Variants in FBN1 observed in about 807,000 individuals in gnomAD.
FBN1 encodes fibrillin-1.
In FBN1, 29 loss-of-function variants were observed where a neutral mutation model predicts 365.1. The ratio of observed to expected loss-of-function variants is 0.08; its 90% CI spans 0.06 to 0.11. The LOEUF (loss-of-function observed/expected upper bound fraction) is 0.11, where lower values mean the gene tolerates loss of function less well. Ranked by LOEUF, FBN1 falls within the 10% of genes least tolerant of loss-of-function variation. The probability of loss-of-function intolerance (pLI) is 1.00; values close to 1 mark genes in which losing one functional copy is unlikely to be tolerated. For missense variants in FBN1, 2,476 were observed against 3,703.2 expected (o/e 0.67, Z 8.60); for synonymous variants, 1,210 against 1,270.5 (o/e 0.95, Z 1.01).
intron 37 of FBN1, 146 bp from the exon 38 acceptor site, chr15:48,468,248 G>A (rs143179044): frequency 4.5e-6 from 6 of 1,341,702 alleles, no homozygotes; most frequent in African/African-American, 2.9e-5. Context: ...ATACACTACC[G>A]AGAATTTTCC....
intron 50 of FBN1, among the ~76,000 whole-genome samples, chr15:48,441,305 T>TG (rs1304370025): frequency 6.6e-6 from 1 of 152,182 alleles, no homozygotes; most frequent in African/African-American, 2.4e-5. Flanking sequence ...TACCATATTG[T>TG]GGGGGCAAAT....
chr15:48,600,949 A>T (rs956964414), intron 4 of FBN1, among the ~76,000 whole-genome samples: 1 of 152,364 alleles, frequency 6.6e-6, no homozygotes, highest in South Asian at 2.1e-4. Context: ...CAAATTCCAA[A>T]GAATTTTGTT....
chr15:48,521,384 C>A (rs2043853635), intron 9 of FBN1, among the ~76,000 whole-genome samples: 1 of 152,082 alleles, frequency 6.6e-6, no homozygotes, highest in African/African-American at 2.4e-5. Flanking sequence ...GCTTATTAAT[C>A]AAGATTTCCT....
At chr15:48,515,662 C>A in intron 11 of FBN1, 135 bp from the exon 12 acceptor site, 1 of 1,158,544 alleles carries the variant, frequency 8.6e-7, no homozygotes, top group Non-Finnish European at 1.3e-6. Context: ...CGTCTGGTGA[C>A]AACAGAGCAT....
intron 2 of FBN1, chr15:48,643,444 G>A (rs901909105): frequency 6.6e-6 from 1 of 152,138 alleles, no homozygotes; most frequent in African/African-American, 2.4e-5. Flanking sequence ...CTCCAGACTA[G>A]GAGTCAAAAA....
At chr15:48,572,420 T>C (rs1219563996) in intron 6 of FBN1, among the ~76,000 whole-genome samples, 1 of 151,936 alleles carries the variant, frequency 6.6e-6, no homozygotes, top group East Asian at 1.9e-4. Flanking sequence ...AGGGGAGAAT[T>C]AAAATTAGAT....
At chr15:48,569,555 C>T (rs1445062649) in intron 6 of FBN1, among the ~76,000 whole-genome samples, 1 of 152,098 alleles carries the variant, frequency 6.6e-6, no homozygotes, top group East Asian at 1.9e-4. Flanking sequence ...TAGCCCCATA[C>T]TGGAAACAAT....
rs3074870 is a variant in FBN1, at chr15:48,435,666, A to ATGTGTGTGTGTG, written c.6497-965_6497-954dup. ...ACAAATCTTTGACCAGAGACCTAAA[A>ATGTGTGTGTGTG]TGTGTGTGTGTGTGTGTGTGTGTGC... is the stretch of plus-strand genomic sequence containing the variant. On this transcript the variant is annotated intron_variant, in intron 53 of 65. Coordinates refer to ENST00000316623, the MANE Select transcript of FBN1 (RefSeq NM_000138.5). 1.2e-3 allele frequency among the ~76,000 whole-genome samples: 179 copies of ATGTGTGTGTGTG among 145,628 alleles called. 2 individuals are homozygous for ATGTGTGTGTGTG. The highest frequency in any genetic ancestry group is 4.4e-3 in the African/African-American group (173 of 39,560).
intron 6 of FBN1, among the ~76,000 whole-genome samples, chr15:48,574,553 T>G (rs888718606): frequency 4.6e-5 from 7 of 151,450 alleles, no homozygotes; most frequent in African/African-American, 1.7e-4. Context: ...ATATAACTCT[T>G]ACTTGCCCAT....
chr15:48,424,936 C>T (rs1280972750), intron 60 of FBN1, among the ~76,000 whole-genome samples: 3 of 152,204 alleles, frequency 2.0e-5, no homozygotes, highest in Non-Finnish European at 4.4e-5. Flanking sequence ...GACACAGCAT[C>T]TAATTCATTA....
chr15:48,520,715 C>T lies in FBN1; in HGVS notation c.1091G>A (p.Arg364Gln), dbSNP rs536588176. 2.5e-6 allele frequency: 4 copies of T among 1,614,164 alleles called. No individual in the cohort carries two copies. Among genetic ancestry groups the T allele is most frequent in the African/African-American group, 2.7e-5 (2 of 75,042 alleles). ...TKMQCCCDAG[R>Q]CWSPGVTVAP... ...GACAGTGACCCCTGGAGACCAGCAT[C>T]GGCCGGCATCACAGCAGCACTGCAT... The change falls in exon 10 of 66, where the codon CGA (arginine) becomes CAA (glutamine). Residue 364 changes from arginine (R) to glutamine (Q), a missense_variant. Arg to Gln is a conservative substitution (Grantham distance 43). This residue lies in a region of FBN1 where 421 missense variants were observed against 520.1 expected (regional missense o/e 0.81). Transcript: ENST00000316623.
intron 6 of FBN1, among the ~76,000 whole-genome samples, chr15:48,541,743 T>TTTTTC (rs1555401894): frequency 4.0e-5 from 6 of 148,248 alleles, no homozygotes; most frequent in African/African-American, 1.5e-4. Context: ...TTTTTTTTTT[T>TTTTTC]CAGATAGTCT....
intron 14 of FBN1, among the ~76,000 whole-genome samples, chr15:48,509,579 CAT>C (rs1335044467): frequency 6.8e-6 from 1 of 147,758 alleles, no homozygotes; most frequent in Non-Finnish European, 1.5e-5. Flanking sequence ...TATATATACA[CAT>C]ATTACATATA....
At chr15:48,565,112 C>T (rs927054651) in intron 6 of FBN1, among the ~76,000 whole-genome samples, 7 of 152,148 alleles carry the variant, frequency 4.6e-5, no homozygotes, top group Non-Finnish European at 8.8e-5. Flanking sequence ...ATACCTTGGT[C>T]AGATAAAGAT....
chr15:48,548,300 C>G (rs566476313), intron 6 of FBN1, among the ~76,000 whole-genome samples: 22 of 152,278 alleles, frequency 1.4e-4, no homozygotes, highest in African/African-American at 5.1e-4. Context: ...TGAGTGACAA[C>G]TGTTTTATGG....
intron 64 of FBN1, among the ~76,000 whole-genome samples, 198 bp downstream of exon 64, chr15:48,415,334 CTTTG>C (rs910505870): frequency 2.0e-5 from 3 of 152,192 alleles, no homozygotes; most frequent in East Asian, 1.9e-4. Context: ...AGTTTCATTA[CTTTG>C]TTTGACGTTT....
chr15:48,495,977 G>T, intron 20 of FBN1, 123 bp downstream of exon 20: 1 of 1,290,686 alleles, frequency 7.7e-7, no homozygotes, highest in Non-Finnish European at 1.1e-6. Flanking sequence ...TAGAACCACA[G>T]AATTTCAACT....
chr15:48,494,113 T>TG, intron 23 of FBN1, 91 bp downstream of exon 23: 2 of 995,076 alleles, frequency 2.0e-6, no homozygotes, highest in South Asian at 2.6e-5. Flanking sequence ...TTTCTCCCTG[T>TG]GAAGTTATAT....
At chr15:48,618,069 T>C (rs1219684612) in intron 2 of FBN1, among the ~76,000 whole-genome samples, 1 of 152,194 alleles carries the variant, frequency 6.6e-6, no homozygotes, top group South Asian at 2.1e-4. Flanking sequence ...TAACTGCTTT[T>C]TTTTTTAACC....
Sources: gnomAD v4.1 joint callset for allele counts (sites outside exome capture counted in the v4.1 genomes callset) on GRCh38, gnomAD v4.1.1 for gene constraint, gnomAD v4.1.1 regional missense constraint, MANE v1.5 for transcripts, NCBI Gene and HGNC (gene_info 2026-07-23, HGNC 2026-07-21) for gene names.